LAPTM5: variants seen among roughly 807,000 people sequenced by gnomAD.
LAPTM5 encodes the protein lysosomal-associated transmembrane protein 5.
Under a neutral mutation model 30.1 loss-of-function variants are expected in LAPTM5, and 11 were observed. The ratio of observed to expected loss-of-function variants is 0.37; its 90% CI spans 0.23 to 0.60. The LOEUF (loss-of-function observed/expected upper bound fraction) is 0.60. LAPTM5 is among the 20% of genes least tolerant of loss of function. The pLI, the probability that LAPTM5 is intolerant of heterozygous loss-of-function variation, is 0.71. For synonymous variants in LAPTM5, 151 were observed against 137.9 expected, an observed-to-expected ratio of 1.10 and a Z score of -0.67; for missense variants, 324 against 332.5, an observed-to-expected ratio of 0.97 and a Z score of 0.20.
intron 1 of LAPTM5, 60 bp downstream of exon 1, chr1:30,757,599 C>G: frequency 1.3e-6 from 2 of 1,547,754 alleles, no homozygotes; most frequent in Non-Finnish European, 8.8e-7. Context: ...GACGGGTCAC[C>G]GCAGACATTC....
At chr1:30,741,435 T>G (rs1639968940) in intron 3 of LAPTM5, among the ~76,000 whole-genome samples, 3 of 152,220 alleles carry the variant, frequency 2.0e-5, no homozygotes, top group African/African-American at 7.2e-5. Context: ...TGGAGGCTCA[T>G]GTTACCAGGG....
At chr1:30,750,034 G>T (rs950650284) in intron 1 of LAPTM5, among the ~76,000 whole-genome samples, 5 of 152,164 alleles carry the variant, frequency 3.3e-5, no homozygotes, top group Non-Finnish European at 5.9e-5. Flanking sequence ...GCTGGAGGAG[G>T]TTGTCACCTG....
intron 1 of LAPTM5, among the ~76,000 whole-genome samples, chr1:30,745,594 G>T (rs1200755282): frequency 6.6e-6 from 1 of 152,214 alleles, no homozygotes; most frequent in Non-Finnish European, 1.5e-5. Context: ...TTGCCGGATG[G>T]CTCACGAGAC....
chr1:30,741,773 G>A, intron 2 of LAPTM5, 57 bp from the exon 3 acceptor site: 3 of 1,355,706 alleles, frequency 2.2e-6, no homozygotes, highest in Non-Finnish European at 3.1e-6. Flanking sequence ...CCCCAGCCAG[G>A]CTCCCAGGAC....
chr1:30,748,762 G>A (rs543329213), intron 1 of LAPTM5, among the ~76,000 whole-genome samples: 10 of 152,148 alleles, frequency 6.6e-5, no homozygotes, highest in Admixed American at 2.0e-4. Flanking sequence ...TCACTCTTCC[G>A]CAGTTCTCGT....
At chr1:30,737,019 G>A (rs1009166282) in intron 6 of LAPTM5, among the ~76,000 whole-genome samples, 2 of 152,072 alleles carry the variant, frequency 1.3e-5, no homozygotes, top group Non-Finnish European at 2.9e-5. Context: ...AGATGGCAGC[G>A]TTTTCTTGTC....
chr1:30,752,932 G>A (rs575135797), intron 1 of LAPTM5, among the ~76,000 whole-genome samples: 72 of 152,004 alleles, frequency 4.7e-4, no homozygotes, highest in African/African-American at 1.4e-3. Context: ...TCAGCCTCCC[G>A]CGTAGCTTGG....
chr1:30,740,527 T>C (rs898683734), intron 3 of LAPTM5, among the ~76,000 whole-genome samples: 3 of 151,934 alleles, frequency 2.0e-5, no homozygotes, highest in Non-Finnish European at 2.9e-5. Context: ...TCTTCTTCAA[T>C]TGAAAGCAAG....
chr1:30,742,820 G>C (rs1206867345), intron 1 of LAPTM5, among the ~76,000 whole-genome samples: 1 of 152,174 alleles, frequency 6.6e-6, no homozygotes, highest in Admixed American at 6.5e-5. Context: ...TGCAAGATGG[G>C]GATAATACTA....
intron 7 of LAPTM5, among the ~76,000 whole-genome samples, chr1:30,734,399 C>A (rs1235579638): frequency 3.3e-5 from 5 of 152,168 alleles, no homozygotes; most frequent in Admixed American, 3.3e-4. Flanking sequence ...GGGGTTTTGG[C>A]AGCCTTTTTG....
intron 1 of LAPTM5, among the ~76,000 whole-genome samples, chr1:30,751,000 G>A (rs530433119): frequency 5.9e-5 from 9 of 152,250 alleles, no homozygotes; most frequent in African/African-American, 9.6e-5. Context: ...GGAAACCAAC[G>A]CTCGCCTCAC....
At chr1:30,751,751 CG>C in intron 1 of LAPTM5, among the ~76,000 whole-genome samples, 1 of 152,024 alleles carries the variant, frequency 6.6e-6, no homozygotes, top group Admixed American at 6.5e-5. Flanking sequence ...AAAAAAGGGG[CG>C]GGGGGCCTTG....
chr1:30,739,514 C>T lies in LAPTM5; in HGVS notation c.387+295G>A, dbSNP rs1176531900. 6.6e-6 allele frequency among the ~76,000 whole-genome samples: 1 copy of T among 152,090 alleles called. No homozygotes were observed. Among genetic ancestry groups the T allele is most frequent in the African/African-American group, 2.4e-5 (1 of 41,396 alleles). ...GCGCACATGTCCTTTCCTCAGGTGTCAATTCACTCCCAGCAGCACTGACTG... is the reference window on the plus strand; with the variant it reads ...GCGCACATGTCCTTTCCTCAGGTGTTAATTCACTCCCAGCAGCACTGACTG... On this transcript the variant is annotated intron_variant, in intron 4 of 7. Transcript: ENST00000294507. This position sits in a 1 kb window ranked among gnomAD's most constrained non-coding sequence, Gnocchi z 4.2.
At chr1:30,748,080 C>T (rs1490592400) in intron 1 of LAPTM5, among the ~76,000 whole-genome samples, 1 of 152,062 alleles carries the variant, frequency 6.6e-6, no homozygotes, top group African/African-American at 2.4e-5. Flanking sequence ...CTCCCTGAGG[C>T]CCAGGACCCA....
At chr1:30,748,603 G>C (rs1640082409) in intron 1 of LAPTM5, among the ~76,000 whole-genome samples, 1 of 152,144 alleles carries the variant, frequency 6.6e-6, no homozygotes, top group Non-Finnish European at 1.5e-5. Context: ...GGGCTCAGTG[G>C]GGGCCAGCCC....
In LAPTM5 at chr1:30,740,060, T is replaced by G. The variant is rs369608835; in HGVS notation, c.259-123A>C. On this transcript the variant is annotated intron_variant, in intron 3 of 7. Transcript: ENST00000294507. Reference sequence around the variant, plus strand: ...CCAAACCTTCCCTGCCCTCCTCAGTTGAGGTCACCTCCCTCTGAGTGACAC... The same window carrying G: ...CCAAACCTTCCCTGCCCTCCTCAGTGGAGGTCACCTCCCTCTGAGTGACAC... The G allele has an allele frequency of 2.1e-4, 231 of 1,097,376 alleles. 1 individual carries two copies. In the African/African-American group the frequency reaches 3.5e-3, roughly 17 times the overall value. 68.0% of individuals were successfully genotyped at this position (1,097,376 alleles called of 1,614,324 possible). A position where few individuals can be genotyped will look rare whatever the true frequency, so the allele number is the denominator to read the frequency against.
At chr1:30,745,422 C>T (rs1218049418) in intron 1 of LAPTM5, among the ~76,000 whole-genome samples, 1 of 152,286 alleles carries the variant, frequency 6.6e-6, no homozygotes, top group Non-Finnish European at 1.5e-5. Flanking sequence ...ATCCCCTCTC[C>T]CTCTGCAGTC....
chr1:30,742,404 GC>G (rs1639983191), intron 2 of LAPTM5, 51 bp downstream of exon 2: 10 of 1,334,288 alleles, frequency 7.5e-6, no homozygotes, highest in Non-Finnish European at 9.6e-6. Flanking sequence ...CCTGGCCAGG[GC>G]CCTCCCTGTC....
intron 1 of LAPTM5, among the ~76,000 whole-genome samples, chr1:30,752,405 C>T (rs1403559560): frequency 3.3e-5 from 5 of 152,320 alleles, no homozygotes; most frequent in Middle Eastern, 6.8e-3. Flanking sequence ...CCCTCCTCCC[C>T]GACACACCTC....
Sources: gnomAD v4.1 joint callset for allele counts (sites outside exome capture counted in the v4.1 genomes callset) on GRCh38, gnomAD v4.1.1 for gene constraint, Gnocchi (gnomAD v3.1) non-coding constraint, MANE v1.5 for transcripts, NCBI Gene and HGNC (gene_info 2026-07-23, HGNC 2026-07-21) for gene names.